Variants in TCAF1 observed in about 807,000 individuals in gnomAD.
TCAF1 encodes the protein TRPM8 channel-associated factor 1.
In TCAF1, 4 loss-of-function variants were observed where a neutral mutation model predicts 27.3. That is an observed-to-expected ratio of 0.15 (90% CI 0.07 to 0.34). The LOEUF (loss-of-function observed/expected upper bound fraction) is 0.34, where lower values mean the gene tolerates loss of function less well. Ranked by LOEUF, TCAF1 falls within the 10% of genes least tolerant of loss-of-function variation. The pLI, the probability that TCAF1 is intolerant of heterozygous loss-of-function variation, is 1.00. For missense variants in TCAF1, 257 were observed against 425.8 expected, an observed-to-expected ratio of 0.60 and a Z score of 3.49; for synonymous variants, 105 against 167.1, an observed-to-expected ratio of 0.63 and a Z score of 2.87.
rs1050269870 is a variant in TCAF1, at chr7:143,882,662, C to T, written c.-14-6040G>A. The stretch of plus-strand genomic sequence containing the variant: ...CGGCCTCCCGCCCTGCCCTCCCCCC[C>T]GCAGCACCCAGGCCGAGTCCACCGT... On this transcript the variant is annotated intron_variant, in intron 1 of 8. Transcript: ENST00000479870. 1.0e-5 allele frequency: 10 copies of T among 985,100 alleles called. No homozygotes were observed. The Admixed American group carries it at 3.7e-4, about 36-fold the overall frequency. 61.0% of individuals were successfully genotyped at this position (985,100 alleles called of 1,614,324 possible).
chr7:143,877,195 C>T (rs1435615622), intron 1 of TCAF1, among the ~76,000 whole-genome samples: 1 of 152,128 alleles, frequency 6.6e-6, no homozygotes, highest in Non-Finnish European at 1.5e-5. Flanking sequence ...ATTGCTGACA[C>T]CTGGACTTCA....
intron 1 of TCAF1, chr7:143,882,472 G>A (rs2116813524): frequency 3.0e-6 from 3 of 985,408 alleles, no homozygotes; most frequent in East Asian, 1.1e-4. Context: ...TCAGATGTCA[G>A]AACCTGGAGA....
chr7:143,877,075 G>A (rs1812759310), intron 1 of TCAF1, among the ~76,000 whole-genome samples: 1 of 152,100 alleles, frequency 6.6e-6, no homozygotes, highest in Non-Finnish European at 1.5e-5. Flanking sequence ...CAGAAAATGG[G>A]GGCAGAGATT....
rs571026904 is a variant in TCAF1 at position 143,892,333 on chromosome 7, G to T, written c.-15+9628C>A. Among the ~76,000 whole-genome samples, 10 of 152,090 alleles carry T rather than the reference G, an allele frequency of 6.6e-5. No homozygotes were observed. In the South Asian group the frequency reaches 1.9e-3, roughly 28 times the overall value. On this transcript the variant is annotated intron_variant, in intron 1 of 8. Coordinates refer to ENST00000479870, the MANE Select transcript of TCAF1 (RefSeq NM_014719.3). ...GAATACATAGAAGTAATAATTTAAGGTAGGTCATAATAAATCAATAAGGTG... is the reference window on the plus strand; with the variant it reads ...GAATACATAGAAGTAATAATTTAAGTTAGGTCATAATAAATCAATAAGGTG...
intron 1 of TCAF1, among the ~76,000 whole-genome samples, chr7:143,900,337 A>C (rs569080999): frequency 6.6e-6 from 1 of 151,960 alleles, no homozygotes; most frequent in East Asian, 1.9e-4. Context: ...TTACAGAAAG[A>C]ATCTGACTTC....
At chr7:143,900,640 G>T (rs139091465) in intron 1 of TCAF1, among the ~76,000 whole-genome samples, 1 of 152,266 alleles carries the variant, frequency 6.6e-6, no homozygotes, top group African/African-American at 2.4e-5. Flanking sequence ...CCTGATCACA[G>T]AAACTGTAAG....
chr7:143,890,500 T>C (rs1419013382), intron 1 of TCAF1, among the ~76,000 whole-genome samples: 1 of 152,188 alleles, frequency 6.6e-6, no homozygotes, highest in Non-Finnish European at 1.5e-5. Flanking sequence ...ATCTTTGGAA[T>C]AATCCTCCCA....
chr7:143,888,335 GT>G (rs1451150677), intron 1 of TCAF1, among the ~76,000 whole-genome samples: 1 of 152,186 alleles, frequency 6.6e-6, no homozygotes, highest in African/African-American at 2.4e-5. Context: ...CCTGGAGAAT[GT>G]ATGGGGAGTG....
At chr7:143,889,633 G>A (rs1223964858) in intron 1 of TCAF1, among the ~76,000 whole-genome samples, 1 of 152,216 alleles carries the variant, frequency 6.6e-6, no homozygotes. Context: ...CTACCAAGAG[G>A]CAGAAGTGGT....
chr7:143,870,639 C>T (rs146277395), intron 2 of TCAF1, among the ~76,000 whole-genome samples: 106,068 of 150,842 alleles, frequency 0.7, 32,661 homozygotes, highest in South Asian at 0.77. Flanking sequence ...TCTATCTTCA[C>T]GGTCTATCTT....
intron 6 of TCAF1, among the ~76,000 whole-genome samples, chr7:143,859,974 A>T (rs1468044211): frequency 2.0e-4 from 2 of 10,070 alleles, no homozygotes; most frequent in Non-Finnish European, 6.2e-4. Flanking sequence ...ATATTATATA[A>T]TATATATTAT....
At chr7:143,896,170 C>T (rs539060209) in intron 1 of TCAF1, among the ~76,000 whole-genome samples, 10 of 151,104 alleles carry the variant, frequency 6.6e-5, no homozygotes, top group South Asian at 2.1e-4. Flanking sequence ...TAGAGTCAAA[C>T]GATAAAAGAG....
intron 1 of TCAF1, among the ~76,000 whole-genome samples, chr7:143,900,921 C>T (rs1333670637): frequency 6.6e-6 from 1 of 151,936 alleles, no homozygotes; most frequent in Non-Finnish European, 1.5e-5. Context: ...AATGAGAAAG[C>T]CAATACATAT....
intron 1 of TCAF1, among the ~76,000 whole-genome samples, chr7:143,883,756 C>T (rs191645273): frequency 2.5e-4 from 38 of 152,272 alleles, no homozygotes; most frequent in Non-Finnish European, 4.6e-4. Flanking sequence ...CCGCCCGCCT[C>T]GGCCTCCCAA....
chr7:143,891,461 AAAT>A lies in TCAF1; in HGVS notation c.-15+10497_-15+10499del, dbSNP rs889917021. On this transcript the variant is annotated intron_variant, in intron 1 of 8. Coordinates refer to ENST00000479870, the MANE Select transcript of TCAF1 (RefSeq NM_014719.3). Reference sequence around the variant, plus strand: ...AGTAAAATGAAAAATTAAAAAAGAAAAATAATAATAATTAAAATTGGTACTTAA... The same window carrying A: ...AGTAAAATGAAAAATTAAAAAAGAAAAATAATAATTAAAATTGGTACTTAA... 3.3e-5 allele frequency among the ~76,000 whole-genome samples: 5 copies of A among 152,108 alleles called. No homozygotes were observed. The South Asian group carries it at 6.2e-4, about 19-fold the overall frequency.
chr7:143,859,706 C>T (rs1272719569), intron 6 of TCAF1, among the ~76,000 whole-genome samples: 2 of 146,694 alleles, frequency 1.4e-5, no homozygotes, highest in Non-Finnish European at 3.0e-5. Flanking sequence ...TCAGTGTGTT[C>T]TTAAAGTTGT....
chr7:143,893,061 T>A (rs1813718891), intron 1 of TCAF1, among the ~76,000 whole-genome samples: 1 of 152,020 alleles, frequency 6.6e-6, no homozygotes, highest in Admixed American at 6.5e-5. Context: ...AGAGAAATAT[T>A]GAAAGTGAAA....
intron 1 of TCAF1, among the ~76,000 whole-genome samples, chr7:143,887,258 T>C (rs1813451566): frequency 6.6e-6 from 1 of 152,152 alleles, no homozygotes; most frequent in Non-Finnish European, 1.5e-5. Context: ...CAATTAAAAA[T>C]CCATATCAAA....
intron 1 of TCAF1, among the ~76,000 whole-genome samples, chr7:143,895,340 T>C (rs561731868): frequency 6.6e-6 from 1 of 151,974 alleles, no homozygotes; most frequent in Non-Finnish European, 1.5e-5. Flanking sequence ...GAAAAAAAAG[T>C]ACTGCTATAT....
Sources: gnomAD v4.1 joint callset for allele counts (sites outside exome capture counted in the v4.1 genomes callset) on GRCh38, gnomAD v4.1.1 for gene constraint, MANE v1.5 for transcripts, NCBI Gene and HGNC (gene_info 2026-07-23, HGNC 2026-07-21) for gene names.